The following PTDSS1 variants were observed in gnomAD, a reference collection of about 807,000 sequenced individuals.
PTDSS1 encodes the protein PSS-1.
In PTDSS1, 45 loss-of-function variants were observed where a neutral mutation model predicts 70.5. The observed-to-expected ratio is 0.64, with a 90% confidence interval of 0.50 to 0.82. PTDSS1 has a LOEUF of 0.82. Among genes scored for constraint, PTDSS1 ranks in the 40% least tolerant of loss-of-function variants. The pLI is 0.00. For missense variants in PTDSS1, 417 were observed against 586.1 expected (o/e 0.71, Z 2.98); for synonymous variants, 188 against 203.8 (o/e 0.92, Z 0.66).
At chr8:96,319,231 A>G (rs1811339229) in intron 9 of PTDSS1, among the ~76,000 whole-genome samples, 1 of 152,050 alleles carries the variant, frequency 6.6e-6, no homozygotes, top group East Asian at 1.9e-4. Context: ...GCCTTTTTAG[A>G]AAACATCTGT....
chr8:96,335,247 A>G lies in PTDSS1; in HGVS notation c.*1681A>G, dbSNP rs1215274358. 3.3e-5 allele frequency: 5 copies of G among 152,222 alleles called. No homozygotes were observed. Among genetic ancestry groups the G allele is most frequent in the Non-Finnish European group, 7.3e-5 (5 of 68,032 alleles). 9.4% of individuals were successfully genotyped at this position (152,222 alleles called of 1,614,324 possible). A position where few individuals can be genotyped will look rare whatever the true frequency, so the allele number is the denominator to read the frequency against. Reference sequence around the variant, plus strand: ...AAACCTGCCTGCACTTTTATAACCCATCAAAGAGGCCATTTTTAAACACAG... The same window carrying G: ...AAACCTGCCTGCACTTTTATAACCCGTCAAAGAGGCCATTTTTAAACACAG... On this transcript the variant is annotated 3_prime_UTR_variant, in exon 13 of 13. Transcript: ENST00000517309.
rs1014771396 is a variant in PTDSS1, at chr8:96,335,597, T to C, written c.*2031T>C. On this transcript the variant is annotated 3_prime_UTR_variant, in exon 13 of 13. Transcript: ENST00000517309. ...TGTGAAGAGCAGGGTGCACAGGAGA[T>C]GATTTTTTCTCCATGGCTTTGTAAG... The C allele has an allele frequency of 1.3e-5, 2 of 152,256 alleles. No homozygotes were observed. The highest frequency in any genetic ancestry group is 4.8e-5 in the African/African-American group (2 of 41,470). The allele number at this position is 152,256 out of a possible 1,614,324, so 9.4% of individuals were successfully genotyped here.
rs1811509575 is a variant in PTDSS1, at chr8:96,331,066, TCTC to T, written c.1286_1288del (p.Ser429del). ...GAAGATGGCACCTACAGTCCAGAGA[TCTC>T]CTGGCATCACAGGAAAGGGACAAAA... On this transcript the variant is annotated inframe_deletion, in exon 12 of 13. Transcript: ENST00000517309. 3 of 1,613,188 alleles carry T rather than the reference TCTC, an allele frequency of 1.9e-6. No homozygotes were observed. The highest frequency in any genetic ancestry group is 1.3e-5 in the African/African-American group (1 of 74,854).
intron 1 of PTDSS1, among the ~76,000 whole-genome samples, chr8:96,272,516 C>A (rs1444713879): frequency 6.6e-6 from 1 of 152,132 alleles, no homozygotes; most frequent in Non-Finnish European, 1.5e-5. Context: ...GATGACAGAT[C>A]ATTTTTTCAT....
chr8:96,296,009 T>A (rs1379003570), intron 5 of PTDSS1, among the ~76,000 whole-genome samples: 1 of 152,080 alleles, frequency 6.6e-6, no homozygotes, highest in Non-Finnish European at 1.5e-5. Context: ...TGGAGCATTT[T>A]TTTCAGGCTC....
chr8:96,292,956 C>G (rs1200643631), intron 4 of PTDSS1, among the ~76,000 whole-genome samples: 2 of 152,182 alleles, frequency 1.3e-5, no homozygotes, highest in African/African-American at 4.8e-5. Context: ...CTTCCAAAGT[C>G]AGCAACTGCC....
At chr8:96,301,201 C>T (rs1811045400) in intron 6 of PTDSS1, among the ~76,000 whole-genome samples, 1 of 152,104 alleles carries the variant, frequency 6.6e-6, no homozygotes, top group African/African-American at 2.4e-5. Context: ...ACAATCTCGG[C>T]TCGCTGCAGC....
intron 9 of PTDSS1, among the ~76,000 whole-genome samples, chr8:96,314,435 A>AG (rs11369979): frequency 0.93 from 141,055 of 152,018 alleles, 65,663 homozygotes; most frequent in African/African-American, 0.95. Flanking sequence ...AGATGTTGGG[A>AG]GGGGGGTCCC....
chr8:96,291,452 CTTTTTTT>C (rs200644968), intron 4 of PTDSS1, among the ~76,000 whole-genome samples: 1 of 123,632 alleles, frequency 8.1e-6, no homozygotes, highest in Non-Finnish European at 1.8e-5. Flanking sequence ...ATGGGCTTTT[CTTTTTTT>C]TTTTTTTTTT....
intron 2 of PTDSS1, among the ~76,000 whole-genome samples, chr8:96,276,937 TC>T (rs1041880847): frequency 1.3e-5 from 2 of 149,774 alleles, no homozygotes; most frequent in African/African-American, 5.0e-5. Context: ...TGCCCTACCA[TC>T]CTTTCTTCTC....
At chr8:96,267,413 AG>A (rs1563558689) in intron 1 of PTDSS1, among the ~76,000 whole-genome samples, 1 of 152,174 alleles carries the variant, frequency 6.6e-6, no homozygotes, top group Non-Finnish European at 1.5e-5. Flanking sequence ...GCCTTTGCTC[AG>A]CAAACTCCCA....
chr8:96,296,448 T>C (rs930402654), intron 5 of PTDSS1, among the ~76,000 whole-genome samples: 1 of 152,174 alleles, frequency 6.6e-6, no homozygotes, highest in East Asian at 1.9e-4. Flanking sequence ...CCATGTGTTC[T>C]TTTTCATAAG....
chr8:96,262,543 C>G lies in PTDSS1; in HGVS notation c.179+324C>G, dbSNP rs898243479. ...CTCCACACAACATCACGACGCGGGC[C>G]CCTCCTCTGCACTGCTCCAGCCTTC... On this transcript the variant is annotated intron_variant, in intron 1 of 12. Coordinates refer to ENST00000517309, the MANE Select transcript of PTDSS1 (RefSeq NM_014754.3). This position sits in a 1 kb window ranked among gnomAD's most constrained non-coding sequence, Gnocchi z 4.4. Among the ~76,000 whole-genome samples, 5 of 152,276 alleles carry G rather than the reference C, an allele frequency of 3.3e-5. No homozygotes were observed. The South Asian group carries it at 6.2e-4, about 19-fold the overall frequency.
chr8:96,316,368 C>T (rs978649673), intron 9 of PTDSS1, among the ~76,000 whole-genome samples: 1 of 152,180 alleles, frequency 6.6e-6, no homozygotes, highest in African/African-American at 2.4e-5. Flanking sequence ...TACATAGACA[C>T]CATGGAATAA....
At chr8:96,270,591 A>G (rs997163552) in intron 1 of PTDSS1, among the ~76,000 whole-genome samples, 2 of 152,154 alleles carry the variant, frequency 1.3e-5, no homozygotes, top group African/African-American at 4.8e-5. Flanking sequence ...AGAGTGTGAC[A>G]TTGGGGCCTT....
intron 10 of PTDSS1, among the ~76,000 whole-genome samples, chr8:96,323,972 C>T (rs1024468608): frequency 5.3e-5 from 8 of 152,166 alleles, no homozygotes; most frequent in South Asian, 2.1e-4. Flanking sequence ...CACAGTAGCC[C>T]GAATGCTTTG....
At chr8:96,295,634 C>T (rs1314269756) in intron 5 of PTDSS1, among the ~76,000 whole-genome samples, 1 of 152,136 alleles carries the variant, frequency 6.6e-6, no homozygotes, top group Non-Finnish European at 1.5e-5. Flanking sequence ...ATTGTGTGTT[C>T]AAGTACTATA....
chr8:96,305,915 A>T (rs773462564), intron 7 of PTDSS1, among the ~76,000 whole-genome samples: 3 of 152,142 alleles, frequency 2.0e-5, no homozygotes, highest in Non-Finnish European at 4.4e-5. Context: ...AACTTACCTC[A>T]GGCGATCTGC....
chr8:96,265,255 C>T (rs765185311), intron 1 of PTDSS1, among the ~76,000 whole-genome samples: 37 of 152,186 alleles, frequency 2.4e-4, no homozygotes, highest in Non-Finnish European at 2.9e-4. Flanking sequence ...TCTAAGAGAA[C>T]GAGGAGATAG....
Sources: gnomAD v4.1 joint callset for allele counts (sites outside exome capture counted in the v4.1 genomes callset) on GRCh38, gnomAD v4.1.1 for gene constraint, Gnocchi (gnomAD v3.1) non-coding constraint, MANE v1.5 for transcripts, NCBI Gene and HGNC (gene_info 2026-07-23, HGNC 2026-07-21) for gene names.